Variants in EPS15 observed in about 807,000 individuals in gnomAD.
The protein encoded by EPS15 is epidermal growth factor receptor substrate 15.
EPS15 carries 72 observed loss-of-function variants against 113.8 expected under a neutral mutation model. That is an observed-to-expected ratio of 0.63 (90% confidence interval 0.52 to 0.77). The LOEUF (loss-of-function observed/expected upper bound fraction) is 0.77, where lower values mean the gene tolerates loss of function less well. Among genes scored for constraint, EPS15 ranks in the 30% least tolerant of loss-of-function variants. The probability of loss-of-function intolerance (pLI) is 0.00; values close to 1 mark genes in which losing one functional copy is unlikely to be tolerated. For missense variants in EPS15, 1,048 were observed against 1,045.8 expected (o/e 1.00, Z -0.03); for synonymous variants, 344 against 363.4 (o/e 0.95, Z 0.61).
intron 12 of EPS15, chr1:51,423,526 C>T (rs2148452212): frequency 1.0e-6 from 1 of 985,308 alleles, no homozygotes; most frequent in Non-Finnish European, 1.2e-6. Flanking sequence ...TAGCACCCTC[C>T]CCCCATCCCA....
At chr1:51,430,940 C>T (rs912654197) in intron 12 of EPS15, among the ~76,000 whole-genome samples, 2 of 149,680 alleles carry the variant, frequency 1.3e-5, no homozygotes, top group African/African-American at 2.5e-5. Flanking sequence ...GCCTGGGCAG[C>T]AGAGCCTGAC....
Position 51,495,359 on chromosome 1 carries a change from T to A in EPS15, c.34-14045A>T, listed in dbSNP as rs747434985. 6.4e-4 allele frequency among the ~76,000 whole-genome samples: 97 copies of A among 151,958 alleles called. 1 individual carries two copies. Among genetic ancestry groups the A allele is most frequent in the South Asian group, 2.5e-3 (12 of 4,832 alleles). ...TTTATTTATTTTTATTTTTATTTTT[T>A]TTTTTGCTGGCAAGTATGTAGAGTA... On this transcript the variant is annotated intron_variant, in intron 1 of 24. Transcript: ENST00000371733.
At chr1:51,388,778 ACT>A in intron 21 of EPS15, among the ~76,000 whole-genome samples, 1 of 152,182 alleles carries the variant, frequency 6.6e-6, no homozygotes, top group Non-Finnish European at 1.5e-5. Context: ...GAAGAAGTTG[ACT>A]CTCTGAATAG....
chr1:51,451,344 A>G (rs1653531407), intron 8 of EPS15, among the ~76,000 whole-genome samples: 1 of 151,474 alleles, frequency 6.6e-6, no homozygotes, highest in South Asian at 2.1e-4. Context: ...CAAAAAAATT[A>G]GCCAGGCGTG....
intron 21 of EPS15, among the ~76,000 whole-genome samples, chr1:51,391,249 G>A (rs1442755799): frequency 1.3e-5 from 2 of 152,000 alleles, no homozygotes; most frequent in Admixed American, 6.6e-5. Flanking sequence ...TCACTCATAG[G>A]TGGGAATTGA....
Position 51,361,230 on chromosome 1 carries a change from A to G in EPS15, c.2485T>C (p.Ser829Pro). The change falls in exon 24 of 25, where the codon TCT becomes CCT. Residue 829 changes from serine (S) to proline (P), a missense_variant. Transcript: ENST00000371733. ...DPEIFCDPFT[S>P]ATTTTNKEAD... ...TCTTTATTGGTAGTGGTAGTAGCAG[A>G]AGTGAATGGATCACAAAATATTTCA... 2 of 1,614,104 alleles carry G rather than the reference A, an allele frequency of 1.2e-6. No homozygotes were observed. Among genetic ancestry groups the G allele is most frequent in the South Asian group, 2.2e-5 (2 of 91,080 alleles).
chr1:51,468,075 C>T (rs1303779084), intron 5 of EPS15, among the ~76,000 whole-genome samples: 2 of 152,130 alleles, frequency 1.3e-5, no homozygotes, highest in Non-Finnish European at 2.9e-5. Flanking sequence ...CCTCCCATCT[C>T]AGCCTCCCAA....
intron 11 of EPS15, among the ~76,000 whole-genome samples, chr1:51,443,599 T>C (rs1052634666): frequency 6.6e-6 from 1 of 151,724 alleles, no homozygotes; most frequent in Non-Finnish European, 1.5e-5. Context: ...ACCTGGTAGC[T>C]ATAAATTCCA....
At chr1:51,466,663 T>A (rs960999401) in intron 5 of EPS15, among the ~76,000 whole-genome samples, 2 of 151,280 alleles carry the variant, frequency 1.3e-5, no homozygotes, top group Non-Finnish European at 2.9e-5. Context: ...AAATCTGTAC[T>A]CACATCCTAG....
chr1:51,485,808 T>A (rs1644110086), intron 1 of EPS15, among the ~76,000 whole-genome samples: 1 of 151,852 alleles, frequency 6.6e-6, no homozygotes, highest in Admixed American at 6.6e-5. Flanking sequence ...ATCGAGGGTC[T>A]TTTTTTTGAG....
At chr1:51,470,517 T>C (rs1235122498) in intron 4 of EPS15, among the ~76,000 whole-genome samples, 1 of 151,660 alleles carries the variant, frequency 6.6e-6, no homozygotes, top group East Asian at 1.9e-4. Flanking sequence ...TGCGGAGGCA[T>C]ATGCCTGTAA....
chr1:51,367,016 C>T (rs1442472077), intron 21 of EPS15, among the ~76,000 whole-genome samples: 2 of 152,110 alleles, frequency 1.3e-5, no homozygotes, highest in Non-Finnish European at 2.9e-5. Context: ...TGAAAAAGTT[C>T]AGTCTAGTAA....
chr1:51,399,407 CCAGG>C (rs1648290129), intron 19 of EPS15, among the ~76,000 whole-genome samples: 2 of 152,128 alleles, frequency 1.3e-5, no homozygotes, highest in South Asian at 4.2e-4. Flanking sequence ...CAAAAATTAG[CCAGG>C]CATGGTGGTG....
chr1:51,488,472 T>TTAAA (rs1644165034), intron 1 of EPS15, among the ~76,000 whole-genome samples: 1 of 85,304 alleles, frequency 1.2e-5, no homozygotes, highest in Non-Finnish European at 2.3e-5. Flanking sequence ...TAAAGTTTTG[T>TTAAA]AAAAAAAAAA....
chr1:51,359,540 G>A (rs1245262661), intron 24 of EPS15, among the ~76,000 whole-genome samples: 3 of 150,514 alleles, frequency 2.0e-5, no homozygotes, highest in African/African-American at 4.9e-5. Context: ...CCGGTGGATC[G>A]CCTGAGATCA....
intron 8 of EPS15, among the ~76,000 whole-genome samples, chr1:51,449,391 G>A (rs1268116944): frequency 6.6e-6 from 1 of 152,126 alleles, no homozygotes; most frequent in Admixed American, 6.6e-5. Context: ...TAAACATGGA[G>A]TAAATGGGGT....
intron 8 of EPS15, among the ~76,000 whole-genome samples, chr1:51,452,094 T>C (rs1219913313): frequency 1.3e-5 from 2 of 151,640 alleles, no homozygotes; most frequent in Non-Finnish European, 2.9e-5. Flanking sequence ...TTGCCCAGGC[T>C]GGTTGGTCTC....
At chr1:51,402,059 T>C (rs942861849) in intron 18 of EPS15, among the ~76,000 whole-genome samples, 4 of 151,994 alleles carry the variant, frequency 2.6e-5, no homozygotes, top group African/African-American at 7.3e-5. Flanking sequence ...TTAGCTTGAA[T>C]CCGGGAGGCA....
intron 21 of EPS15, among the ~76,000 whole-genome samples, chr1:51,371,221 T>C (rs944307956): frequency 2.0e-5 from 3 of 152,196 alleles, no homozygotes; most frequent in African/African-American, 7.2e-5. Flanking sequence ...GGCCAATCGT[T>C]ATTTTAGTGT....
Sources: allele counts gnomAD v4.1 joint callset (sites outside exome capture counted in the v4.1 genomes callset), GRCh38; gene constraint gnomAD v4.1.1; transcripts MANE v1.5; gene names NCBI Gene and HGNC (gene_info 2026-07-23, HGNC 2026-07-21).